The following MORC1 variants were observed in gnomAD, a reference collection of about 807,000 sequenced individuals.
MORC1 encodes MORC family CW-type zinc finger 1.
Under a neutral mutation model 134.9 loss-of-function variants are expected in MORC1, and 59 were observed. The observed-to-expected ratio is 0.44, with a 90% CI of 0.35 to 0.54. MORC1 has a LOEUF of 0.54. MORC1 is among the 20% of genes least tolerant of loss of function. MORC1 has a pLI of 0.00. For missense variants in MORC1, 947 were observed against 1,134.5 expected, an observed-to-expected ratio of 0.83 and a Z score of 2.37; for synonymous variants, 395 against 391.7, an observed-to-expected ratio of 1.01 and a Z score of -0.10.
chr3:109,043,186 TGTGG>T (rs1949598450), intron 14 of MORC1, among the ~76,000 whole-genome samples: 2 of 13,972 alleles, frequency 1.4e-4, no homozygotes, highest in African/African-American at 5.9e-4. Context: ...TGTGGCAAAA[TGTGG>T]GGGGGGGGGG....
intron 14 of MORC1, among the ~76,000 whole-genome samples, chr3:109,054,106 ACT>A (rs1380017939): frequency 6.6e-6 from 1 of 151,804 alleles, no homozygotes; most frequent in Non-Finnish European, 1.5e-5. Flanking sequence ...AGATGGTAAA[ACT>A]CTGTCTCTAC....
chr3:109,018,646 C>G (rs1559896392), intron 17 of MORC1, among the ~76,000 whole-genome samples: 1 of 152,154 alleles, frequency 6.6e-6, no homozygotes, highest in Non-Finnish European at 1.5e-5. Flanking sequence ...ATCATCTGAT[C>G]TGACTCTCAC....
At chr3:109,107,800 TA>T (rs1951070801) in intron 3 of MORC1, among the ~76,000 whole-genome samples, 1 of 152,124 alleles carries the variant, frequency 6.6e-6, no homozygotes, top group South Asian at 2.1e-4. Context: ...CTTGCCTCAA[TA>T]AAAAATGAAC....
rs6795056 is a variant in MORC1, at chr3:109,032,351, C to A, written c.1565+369G>T. Among the ~76,000 whole-genome samples, 3 of 151,900 alleles carry A rather than the reference C, an allele frequency of 2.0e-5. No individual in the cohort carries two copies. In the East Asian group the frequency reaches 5.8e-4, roughly 29 times the overall value. Reference sequence around the variant, plus strand: ...ATATGATTTAAGCAGAAAAAGCATACGGTCTAACAGTTTAATGCCCCTGGA... The same window carrying A: ...ATATGATTTAAGCAGAAAAAGCATAAGGTCTAACAGTTTAATGCCCCTGGA... On this transcript the variant is annotated intron_variant, in intron 16 of 27. Coordinates refer to ENST00000232603, the MANE Select transcript of MORC1 (RefSeq NM_014429.4).
chr3:108,988,747 T>G (rs190478730), intron 21 of MORC1, among the ~76,000 whole-genome samples: 3 of 152,176 alleles, frequency 2.0e-5, no homozygotes, highest in African/African-American at 7.2e-5. Context: ...TCAAACAAGA[T>G]GAAAGTATCC....
chr3:108,971,527 C>T lies in MORC1; in HGVS notation c.2478-125G>A, dbSNP rs116230307. 2,528 of 760,900 alleles carry T rather than the reference C, an allele frequency of 3.3e-3. 7 individuals are homozygous for T. Among genetic ancestry groups the T allele is most frequent in the Non-Finnish European group, 4.1e-3 (1,918 of 469,764 alleles). 47.1% of individuals were successfully genotyped at this position (760,900 alleles called of 1,614,324 possible). A position where few individuals can be genotyped will look rare whatever the true frequency, so the allele number is the denominator to read the frequency against. ...GGCAAAGATGAACATTAGTTCCCCC[C>T]AAACATTTTGTTTTTATCACTGACA... is the stretch of plus-strand genomic sequence containing the variant. On this transcript the variant is annotated intron_variant, in intron 24 of 27. Transcript: ENST00000232603.
chr3:109,015,957 G>A (rs1376246185), intron 17 of MORC1, among the ~76,000 whole-genome samples: 1 of 152,072 alleles, frequency 6.6e-6, no homozygotes, highest in Admixed American at 6.5e-5. Flanking sequence ...TGGAATATTT[G>A]CATATATATA....
chr3:109,084,224 T>C (rs1950575602), intron 8 of MORC1, among the ~76,000 whole-genome samples: 1 of 152,130 alleles, frequency 6.6e-6, no homozygotes, highest in Admixed American at 6.6e-5. Context: ...ATTAGCCTTG[T>C]TTCAGAATGA....
chr3:108,970,769 G>A (rs1436367762), intron 25 of MORC1, among the ~76,000 whole-genome samples: 1 of 152,110 alleles, frequency 6.6e-6, no homozygotes, highest in Non-Finnish European at 1.5e-5. Flanking sequence ...ACAGCCCTGC[G>A]GGAGCCCTTT....
rs1947004919 is a variant in MORC1, at chr3:108,958,860, TAAAC to T, written c.*101_*104del. ...AAAATTATTTCTTATTTCTTATTGT[TAAAC>T]AGAATAGACTTTACAGTAACAACAA... On this transcript the variant is annotated 3_prime_UTR_variant, in exon 28 of 28. Transcript: ENST00000232603. 7.1e-6 allele frequency: 5 copies of T among 704,294 alleles called. No homozygotes were observed. Among genetic ancestry groups the T allele is most frequent in the East Asian group, 6.2e-5 (2 of 32,312 alleles). The allele number at this position is 704,294 out of a possible 1,614,324, so 43.6% of individuals were successfully genotyped here.
At chr3:109,087,313 A>G (rs574658465) in intron 8 of MORC1, among the ~76,000 whole-genome samples, 4 of 152,260 alleles carry the variant, frequency 2.6e-5, no homozygotes, top group African/African-American at 7.2e-5. Flanking sequence ...ACATGACTCT[A>G]TATCTAGAAA....
chr3:109,067,266 C>A (rs1467920396), intron 9 of MORC1, among the ~76,000 whole-genome samples: 1 of 152,108 alleles, frequency 6.6e-6, no homozygotes, highest in African/African-American at 2.4e-5. Flanking sequence ...GTAACACAAC[C>A]ATATAATAAC....
intron 23 of MORC1, among the ~76,000 whole-genome samples, chr3:108,982,904 C>T (rs147922996): frequency 1.2e-4 from 18 of 150,522 alleles, no homozygotes; most frequent in African/African-American, 3.9e-4. Flanking sequence ...TTTGCTTCTT[C>T]GTGAAATTCA....
intron 3 of MORC1, among the ~76,000 whole-genome samples, chr3:109,106,440 T>A (rs1951038322): frequency 6.6e-6 from 1 of 152,198 alleles, no homozygotes; most frequent in African/African-American, 2.4e-5. Flanking sequence ...TCCCCCATTA[T>A]CCACTCTGAA....
intron 23 of MORC1, among the ~76,000 whole-genome samples, chr3:108,981,205 A>ATTT (rs889656014): frequency 6.6e-6 from 1 of 151,588 alleles, no homozygotes; most frequent in East Asian, 1.9e-4. Flanking sequence ...TAATAAAAAG[A>ATTT]TTTTTTTTTG....
intron 23 of MORC1, among the ~76,000 whole-genome samples, chr3:108,982,940 T>G: frequency 1.9e-5 from 1 of 52,422 alleles, no homozygotes; most frequent in African/African-American, 1.0e-4. Flanking sequence ...TAGTTTTGGT[T>G]TTTTTTTAAA....
At chr3:109,030,217 A>G (rs1949209194) in intron 16 of MORC1, among the ~76,000 whole-genome samples, 1 of 152,220 alleles carries the variant, frequency 6.6e-6, no homozygotes, top group African/African-American at 2.4e-5. Context: ...TTCCCTAATA[A>G]ATAATTATAC....
At position 109,005,163 on chromosome 3, in the gene MORC1, A is replaced by C. The variant is rs763682127; in HGVS notation, c.1920T>G (p.Ile640Met). The C allele has an allele frequency of 6.2e-7, 1 of 1,613,876 alleles. No individual in the cohort carries two copies. The highest frequency in any genetic ancestry group is 1.1e-5 in the South Asian group (1 of 91,070). The change falls in exon 19 of 28, where the codon ATT becomes ATG. Residue 640 changes from isoleucine to methionine, a missense_variant. Ile to Met is a conservative substitution (Grantham distance 10). Transcript: ENST00000232603. ...SDVEYISETK[I>M]MKKSMEEKMN... ...TTTTCTCCTCCATAGACTTTTTCAT[A>C]ATTTTTGTTTCTGAAATATACTCTA... is the stretch of plus-strand genomic sequence containing the variant.
At chr3:109,033,343 A>G (rs931618720) in intron 15 of MORC1, among the ~76,000 whole-genome samples, 2 of 140,586 alleles carry the variant, frequency 1.4e-5, no homozygotes, top group East Asian at 4.5e-4. Context: ...GAAGGAAGGA[A>G]GGGAAGTTAG....
Sources: allele counts gnomAD v4.1 joint callset (sites outside exome capture counted in the v4.1 genomes callset), GRCh38; gene constraint gnomAD v4.1.1; transcripts MANE v1.5; gene names NCBI Gene and HGNC (gene_info 2026-07-23, HGNC 2026-07-21).